The following TAF3 variants were observed in gnomAD, a reference collection of about 807,000 sequenced individuals.
TAF3 encodes the protein transcription initiation factor TFIID subunit 3.
Under a neutral mutation model 80.6 loss-of-function variants are expected in TAF3, and 7 were observed. The observed-to-expected ratio is 0.09, with a 90% CI of 0.05 to 0.16. TAF3 has a LOEUF of 0.16. Ranked by LOEUF, TAF3 falls within the 10% of genes least tolerant of loss-of-function variation. TAF3 has a pLI of 1.00. For missense variants in TAF3, 921 were observed against 1,140.2 expected, an observed-to-expected ratio of 0.81 and a Z score of 2.77; for synonymous variants, 444 against 446.1, an observed-to-expected ratio of 1.00 and a Z score of 0.06.
intron 2 of TAF3, among the ~76,000 whole-genome samples, chr10:7,889,948 C>T (rs907777692): frequency 1.3e-5 from 2 of 152,172 alleles, no homozygotes; most frequent in Non-Finnish European, 2.9e-5. Context: ...CGTTTTCCTC[C>T]CTCCTCTAGT....
At chr10:7,990,036 CTG>C (rs57688972) in intron 4 of TAF3, among the ~76,000 whole-genome samples, 43,690 of 151,918 alleles carry the variant, frequency 0.29, 7,632 homozygotes, top group Non-Finnish European at 0.38. Context: ...TTAAAATTAA[CTG>C]TATCTATTTT....
chr10:7,975,715 A>G (rs765641182), intron 3 of TAF3, among the ~76,000 whole-genome samples: 10 of 152,202 alleles, frequency 6.6e-5, no homozygotes, highest in Non-Finnish European at 1.3e-4. Flanking sequence ...TTGAAAAACA[A>G]CTCTAGGAAG....
At chr10:7,823,546 A>C (rs988613820) in intron 1 of TAF3, among the ~76,000 whole-genome samples, 9 of 151,984 alleles carry the variant, frequency 5.9e-5, no homozygotes, top group Non-Finnish European at 1.2e-4. Flanking sequence ...TGAGAGGGGA[A>C]GATCGCTTGA....
chr10:7,935,680 T>C (rs1225619923), intron 2 of TAF3, among the ~76,000 whole-genome samples: 2 of 152,150 alleles, frequency 1.3e-5, no homozygotes, highest in African/African-American at 2.4e-5. Context: ...AAGGGGGCTC[T>C]GATAAGTGAG....
At chr10:7,831,230 A>C (rs931092594) in intron 2 of TAF3, among the ~76,000 whole-genome samples, 1 of 152,176 alleles carries the variant, frequency 6.6e-6, no homozygotes, top group African/African-American at 2.4e-5. Context: ...CATATGGTAT[A>C]TTCCCAGTTT....
At chr10:7,861,572 A>G (rs1373480443) in intron 2 of TAF3, among the ~76,000 whole-genome samples, 1 of 152,186 alleles carries the variant, frequency 6.6e-6, no homozygotes, top group African/African-American at 2.4e-5. Context: ...AAATGATTAT[A>G]TAATTCTGTA....
At chr10:7,824,275 G>A (rs1377211995) in intron 1 of TAF3, 43 bp from the exon 2 acceptor site, 1 of 1,571,886 alleles carries the variant, frequency 6.4e-7, no homozygotes, top group Admixed American at 1.9e-5. Flanking sequence ...TATATTCGTG[G>A]GATTTCTTCA....
At chr10:7,913,149 A>T (rs1837673515) in intron 2 of TAF3, among the ~76,000 whole-genome samples, 2 of 152,070 alleles carry the variant, frequency 1.3e-5, no homozygotes, top group East Asian at 1.9e-4. Context: ...GTGCTGTCAG[A>T]TCAGGGCCCC....
intron 2 of TAF3, among the ~76,000 whole-genome samples, chr10:7,943,295 C>G (rs1471229273): frequency 1.3e-5 from 2 of 152,128 alleles, no homozygotes; most frequent in African/African-American, 4.8e-5. Flanking sequence ...TCTGCTTGCT[C>G]CTTAGCATTG....
At chr10:7,860,275 GGAAAAAAAAAAGAA>G (rs1309671110) in intron 2 of TAF3, among the ~76,000 whole-genome samples, 1 of 146,716 alleles carries the variant, frequency 6.8e-6, no homozygotes, top group African/African-American at 2.6e-5. Context: ...GACCCTGTCT[GGAAAAAAAAAAGAA>G]GAAAAAAAAA....
chr10:8,012,432 G>A (rs1832064204), intron 5 of TAF3, among the ~76,000 whole-genome samples: 1 of 152,188 alleles, frequency 6.6e-6, no homozygotes, highest in South Asian at 2.1e-4. Context: ...AATTTAGTAA[G>A]CTATGAGGTA....
intron 2 of TAF3, among the ~76,000 whole-genome samples, chr10:7,912,154 G>A (rs1003142234): frequency 3.9e-5 from 6 of 152,068 alleles, no homozygotes; most frequent in African/African-American, 1.5e-4. Context: ...AGTTGAAATG[G>A]GAAAATAAAA....
At chr10:7,993,566 C>T (rs1050146374) in intron 4 of TAF3, among the ~76,000 whole-genome samples, 1 of 152,172 alleles carries the variant, frequency 6.6e-6, no homozygotes, top group Non-Finnish European at 1.5e-5. Flanking sequence ...TGTCTGTTTA[C>T]TTCTTCGTAG....
intron 2 of TAF3, among the ~76,000 whole-genome samples, chr10:7,893,504 A>T (rs1435127982): frequency 6.6e-6 from 1 of 152,170 alleles, no homozygotes; most frequent in Non-Finnish European, 1.5e-5. Flanking sequence ...CTCTTACTGT[A>T]CCAAACATTC....
At chr10:7,957,792 G>GCTCTCCCT (rs373350330) in intron 2 of TAF3, among the ~76,000 whole-genome samples, 1 of 134,288 alleles carries the variant, frequency 7.4e-6, no homozygotes, top group African/African-American at 2.9e-5. Context: ...TCTCTCTAGC[G>GCTCTCCCT]CGCTCTCTCT....
chr10:7,948,629 T>C (rs1838050589), intron 2 of TAF3, among the ~76,000 whole-genome samples: 1 of 152,190 alleles, frequency 6.6e-6, no homozygotes, highest in African/African-American at 2.4e-5. Context: ...TCACCAAATT[T>C]TGAGAGACTA....
intron 2 of TAF3, among the ~76,000 whole-genome samples, chr10:7,958,996 C>T (rs138333669): frequency 3.3e-5 from 5 of 152,016 alleles, no homozygotes; most frequent in Non-Finnish European, 7.4e-5. Flanking sequence ...CAAAATTAGC[C>T]GGGCGTGGTG....
chr10:7,853,423 T>G (rs1223077033), intron 2 of TAF3, among the ~76,000 whole-genome samples: 1 of 152,206 alleles, frequency 6.6e-6, no homozygotes, highest in Non-Finnish European at 1.5e-5. Context: ...TTTATTGTCT[T>G]TTTTATTGTC....
At chr10:7,847,330 A>T (rs895307507) in intron 2 of TAF3, among the ~76,000 whole-genome samples, 25 of 152,354 alleles carry the variant, frequency 1.6e-4, no homozygotes, top group Admixed American at 1.5e-3. Context: ...TTATCATGCA[A>T]TAATATTTTT....
Sources: gnomAD v4.1 joint callset for allele counts (sites outside exome capture counted in the v4.1 genomes callset) on GRCh38, gnomAD v4.1.1 for gene constraint, MANE v1.5 for transcripts, NCBI Gene and HGNC (gene_info 2026-07-23, HGNC 2026-07-21) for gene names.